Variants in NOVA1 observed in about 807,000 individuals in gnomAD.
The protein encoded by NOVA1 is NOVA alternative splicing regulator 1, also known as RNA-binding protein Nova-1.
A neutral mutation model predicts 38.0 loss-of-function variants in NOVA1; 7 were observed. The observed-to-expected ratio is 0.18, with a 90% CI of 0.10 to 0.35. NOVA1 has a LOEUF of 0.35. Ranked by LOEUF, NOVA1 falls within the 10% of genes least tolerant of loss-of-function variation. The pLI is 1.00. For missense variants in NOVA1, 460 were observed against 616.0 expected (o/e 0.75, Z 2.68); for synonymous variants, 270 against 232.5 (o/e 1.16, Z -1.47).
At position 26,448,545 on chromosome 14, in the gene NOVA1, A is replaced by T; in HGVS notation, c.938T>A (p.Val313Glu). ...VLSGFTGNDLVAITSALNTLA... is the reference protein window; with the variant it reads ...VLSGFTGNDLEAITSALNTLA... ...TGTATTAAGTGCAGAGGTGATGGCC[A>T]CCAGGTCATTGCCTGTGAAGCCAGA... Residue 313 changes from valine to glutamate, a missense_variant, in exon 5 of 5, where the codon GTG (valine) becomes GAG (glutamate). Transcript: ENST00000539517. The surrounding 1 kb of genome is among the most constrained non-coding windows in gnomAD (Gnocchi z 5.3). The T allele has an allele frequency of 6.2e-7, 1 of 1,614,220 alleles. No individual in the cohort carries two copies. The highest frequency in any genetic ancestry group is 8.5e-7 in the Non-Finnish European group (1 of 1,180,040).
intron 2 of NOVA1, among the ~76,000 whole-genome samples, chr14:26,511,806 G>A (rs1234160340): frequency 6.6e-6 from 1 of 151,898 alleles, no homozygotes; most frequent in Non-Finnish European, 1.5e-5. Flanking sequence ...TGGGTAGGCA[G>A]GGAGACGAAG....
At chr14:26,531,595 G>A (rs947061563) in intron 2 of NOVA1, among the ~76,000 whole-genome samples, 3 of 141,576 alleles carry the variant, frequency 2.1e-5, no homozygotes, top group Middle Eastern at 3.3e-3. Context: ...CAACAACAGC[G>A]AAACTCCGTC....
chr14:26,512,736 T>C (rs1888192980), intron 2 of NOVA1, among the ~76,000 whole-genome samples: 1 of 152,090 alleles, frequency 6.6e-6, no homozygotes, highest in Non-Finnish European at 1.5e-5. Context: ...CTTCACTGGC[T>C]ATACATGTGG....
chr14:26,563,282 T>C (rs530242833), intron 2 of NOVA1, among the ~76,000 whole-genome samples: 2 of 150,564 alleles, frequency 1.3e-5, no homozygotes, highest in South Asian at 4.2e-4. Context: ...TCACAGACAT[T>C]AGAACTGATG....
At chr14:26,584,561 A>T (rs1893406517) in intron 2 of NOVA1, among the ~76,000 whole-genome samples, 1 of 151,298 alleles carries the variant, frequency 6.6e-6, no homozygotes, top group African/African-American at 2.4e-5. Context: ...ACCTGTACAG[A>T]TATCTATAGT....
At chr14:26,543,528 A>G (rs1211970241) in intron 2 of NOVA1, among the ~76,000 whole-genome samples, 1 of 152,014 alleles carries the variant, frequency 6.6e-6, no homozygotes, top group East Asian at 1.9e-4. Context: ...CTAGAGAGAA[A>G]TATTTATTCT....
rs201458376 is a variant in NOVA1, at chr14:26,563,598, C to A, written c.280+31812G>T. Among the ~76,000 whole-genome samples the A allele has an allele frequency of 1.3e-4, 19 of 151,530 alleles. No homozygotes were observed. The East Asian group carries it at 3.7e-3, about 30-fold the overall frequency. Reference sequence around the variant, plus strand: ...ACAGAATGCCTTCATAATTCTGAGGCAAAATTATTTTCAGCCTACAATTAT... The same window carrying A: ...ACAGAATGCCTTCATAATTCTGAGGAAAAATTATTTTCAGCCTACAATTAT... On this transcript the variant is annotated intron_variant, in intron 2 of 4. Transcript: ENST00000539517.
intron 1 of NOVA1, chr14:26,596,732 C>A: frequency 7.9e-7 from 1 of 1,273,376 alleles, no homozygotes. Context: ...CCCCTGAAGA[C>A]AAATCAATGA....
At chr14:26,583,573 G>C (rs1486102434) in intron 2 of NOVA1, among the ~76,000 whole-genome samples, 1 of 151,234 alleles carries the variant, frequency 6.6e-6, no homozygotes, top group Non-Finnish European at 1.5e-5. Context: ...GCCAATAATT[G>C]CACAAATCAG....
chr14:26,462,078 T>TG (rs1401329476), intron 4 of NOVA1, among the ~76,000 whole-genome samples: 1 of 152,188 alleles, frequency 6.6e-6, no homozygotes, highest in Non-Finnish European at 1.5e-5. Context: ...AAAAAGATTT[T>TG]TTTTTTGTAA....
At chr14:26,468,128 C>T (rs1458979673) in intron 4 of NOVA1, among the ~76,000 whole-genome samples, 1 of 152,052 alleles carries the variant, frequency 6.6e-6, no homozygotes, top group Non-Finnish European at 1.5e-5. Flanking sequence ...ATATAAGACT[C>T]CATTTTTGCT....
chr14:26,516,695 T>C (rs1013927300), intron 2 of NOVA1, among the ~76,000 whole-genome samples: 6 of 152,226 alleles, frequency 3.9e-5, no homozygotes, highest in African/African-American at 7.2e-5. Context: ...TTAGGCTCTA[T>C]TGAACAGTGT....
intron 2 of NOVA1, among the ~76,000 whole-genome samples, chr14:26,489,484 T>C (rs1214177463): frequency 6.6e-6 from 1 of 151,670 alleles, no homozygotes; most frequent in East Asian, 1.9e-4. Context: ...AATTTAAGCG[T>C]ATATGTAATC....
rs199678803 is a variant in NOVA1 at position 26,495,910 on chromosome 14, G to T, written c.281-15767C>A. 1.3e-3 allele frequency among the ~76,000 whole-genome samples: 161 copies of T among 124,414 alleles called. 4 individuals are homozygous for T. The East Asian group carries it at 0.034, about 27-fold the overall frequency. The allele number at this position is 124,414 out of a possible 152,430, so 81.6% of individuals were successfully genotyped here. A position where few individuals can be genotyped will look rare whatever the true frequency, so the allele number is the denominator to read the frequency against. The stretch of plus-strand genomic sequence containing the variant: ...CCAGTCTATCATTGTTGGACATTTG[G>T]GTTGGTTCCAAGTCTTTGCTATTGT... On this transcript the variant is annotated intron_variant, in intron 2 of 4. Coordinates refer to ENST00000539517, the MANE Select transcript of NOVA1 (RefSeq NM_002515.3).
intron 2 of NOVA1, among the ~76,000 whole-genome samples, chr14:26,502,766 G>C (rs1887334582): frequency 6.6e-6 from 1 of 151,832 alleles, no homozygotes; most frequent in Non-Finnish European, 1.5e-5. Flanking sequence ...TTTTTCCTAA[G>C]TAAACTCAAA....
At chr14:26,454,573 C>A (rs2022735) in intron 4 of NOVA1, among the ~76,000 whole-genome samples, 6 of 152,130 alleles carry the variant, frequency 3.9e-5, no homozygotes, top group African/African-American at 1.2e-4. Context: ...GGAAATACAA[C>A]TCCCTTTTTT....
At chr14:26,503,030 A>G (rs1213300249) in intron 2 of NOVA1, among the ~76,000 whole-genome samples, 1 of 151,736 alleles carries the variant, frequency 6.6e-6, no homozygotes, top group African/African-American at 2.4e-5. Flanking sequence ...CCTACCAGCA[A>G]TGTGTTAAGA....
intron 1 of NOVA1, 43 bp downstream of exon 1, chr14:26,597,258 C>T: frequency 2.2e-6 from 1 of 449,052 alleles, no homozygotes; most frequent in Non-Finnish European, 2.6e-6. Context: ...CAGGGGCGGG[C>T]GGCGGGGGAT....
chr14:26,522,719 C>A (rs2138510682), intron 2 of NOVA1, among the ~76,000 whole-genome samples: 1 of 152,130 alleles, frequency 6.6e-6, no homozygotes, highest in Middle Eastern at 3.4e-3. Flanking sequence ...GACAAAAATT[C>A]ACAGAACTGA....
Sources: gnomAD v4.1 joint callset for allele counts (sites outside exome capture counted in the v4.1 genomes callset) on GRCh38, gnomAD v4.1.1 for gene constraint, Gnocchi (gnomAD v3.1) non-coding constraint, MANE v1.5 for transcripts, NCBI Gene and HGNC (gene_info 2026-07-23, HGNC 2026-07-21) for gene names.